The following SVEP1 variants were observed in gnomAD, a reference collection of about 807,000 sequenced individuals.
The protein encoded by SVEP1 is sushi, von Willebrand factor type A, EGF and pentraxin domain-containing protein 1.
SVEP1 carries 164 observed loss-of-function variants against 367.3 expected under a neutral mutation model. The ratio of observed to expected loss-of-function variants is 0.45; its 90% CI spans 0.39 to 0.51. SVEP1 has a LOEUF of 0.51. Among genes scored for constraint, SVEP1 ranks in the 20% least tolerant of loss-of-function variants. The pLI is 0.00. For missense variants in SVEP1, 4,117 were observed against 4,425.3 expected, an observed-to-expected ratio of 0.93 and a Z score of 1.98; for synonymous variants, 1,666 against 1,611.6, an observed-to-expected ratio of 1.03 and a Z score of -0.81.
intron 16 of SVEP1, 120 bp downstream of exon 16, chr9:110,471,244 C>T (rs931258841): frequency 1.2e-6 from 1 of 820,328 alleles, no homozygotes; most frequent in Non-Finnish European, 1.9e-6. Context: ...TAATAACAAC[C>T]ACACAACAAG....
chr9:110,370,009 G>T lies in SVEP1; in HGVS notation c.10608C>A (p.Cys3536Ter). ...WTGSRCHTAV[C>*]QSPCLNGGKC... The stretch of plus-strand genomic sequence containing the variant: ...TTCCACCATTTAAGCAGGGAGACTG[G>T]CAAACAGCTGGAATAAAAAACCCAT... The change falls in exon 47 of 48, where the codon TGC (cysteine) becomes TGA (stop). Residue 3536 changes from cysteine (C) to a stop codon, truncating the protein, a stop_gained. Transcript: ENST00000374469. LOFTEE classifies it high-confidence loss of function. The T allele has an allele frequency of 1.2e-6, 2 of 1,612,326 alleles. No homozygotes were observed. The highest frequency in any genetic ancestry group is 1.7e-6 in the Non-Finnish European group (2 of 1,179,140).
At chr9:110,390,656 T>C (rs1827641228) in intron 40 of SVEP1, among the ~76,000 whole-genome samples, 1 of 151,916 alleles carries the variant, frequency 6.6e-6, no homozygotes, top group African/African-American at 2.4e-5. Flanking sequence ...CCACTGATTA[T>C]AAGAGCAGCA....
At chr9:110,409,202 G>A (rs543459470) in intron 37 of SVEP1, among the ~76,000 whole-genome samples, 13 of 152,264 alleles carry the variant, frequency 8.5e-5, no homozygotes, top group Non-Finnish European at 1.3e-4. Context: ...TTGGGAGGCC[G>A]AGGCAGGAGG....
intron 44 of SVEP1, 77 bp from the exon 45 acceptor site, chr9:110,377,443 A>G (rs1347945921): frequency 7.5e-7 from 1 of 1,334,168 alleles, no homozygotes; most frequent in East Asian, 2.3e-5. Context: ...TTGCCCCTTT[A>G]TATCTCATAC....
At chr9:110,402,575 A>G (rs549975102) in intron 39 of SVEP1, among the ~76,000 whole-genome samples, 109 of 152,308 alleles carry the variant, frequency 7.2e-4, no homozygotes, top group Non-Finnish European at 1.1e-3. Flanking sequence ...GGTTGTGAAA[A>G]ATAAATTATT....
At chr9:110,438,033 G>GT (rs1828456846) in intron 27 of SVEP1, among the ~76,000 whole-genome samples, 1 of 151,850 alleles carries the variant, frequency 6.6e-6, no homozygotes, top group Non-Finnish European at 1.5e-5. Flanking sequence ...TTTTTATTTT[G>GT]TTTTAGTGTA....
chr9:110,515,828 T>C (rs937095091), intron 3 of SVEP1, among the ~76,000 whole-genome samples: 1 of 152,228 alleles, frequency 6.6e-6, no homozygotes, highest in African/African-American at 2.4e-5. Flanking sequence ...CCATTCACTA[T>C]GTCCTAGGGA....
intron 14 of SVEP1, 112 bp from the exon 15 acceptor site, chr9:110,472,435 C>G: frequency 2.0e-6 from 2 of 1,007,822 alleles, no homozygotes; most frequent in Non-Finnish European, 2.8e-6. Context: ...CCTCAAATGC[C>G]CATAACATAC....
chr9:110,387,526 T>C, intron 41 of SVEP1, 68 bp from the exon 42 acceptor site: 11 of 1,427,656 alleles, frequency 7.7e-6, no homozygotes, highest in Non-Finnish European at 1.0e-5. Context: ...TTTCCTATGA[T>C]TGCCAAAGAT....
In SVEP1 at chr9:110,386,172, C is replaced by A. The variant is rs149098192; in HGVS notation, c.10061-98G>T. 7.3e-5 allele frequency: 95 copies of A among 1,294,324 alleles called. 1 individual carries two copies. In the East Asian group the frequency reaches 1.7e-3, roughly 24 times the overall value. 80.2% of individuals were successfully genotyped at this position (1,294,324 alleles called of 1,614,324 possible). A position where few individuals can be genotyped will look rare whatever the true frequency, so the allele number is the denominator to read the frequency against. On this transcript the variant is annotated intron_variant, in intron 42 of 47. Transcript: ENST00000374469. ...AGTAGTCCTATAAGAGATGGGTTCT[C>A]AATAATGATCATATAAGGTTTAAAA...
At chr9:110,475,429 C>G (rs1004678643) in intron 14 of SVEP1, among the ~76,000 whole-genome samples, 2 of 152,126 alleles carry the variant, frequency 1.3e-5, no homozygotes, top group Admixed American at 1.3e-4. Flanking sequence ...TGCTCAAGAT[C>G]ACACAGCTAG....
chr9:110,466,455 T>G (rs1007426020), intron 17 of SVEP1, among the ~76,000 whole-genome samples: 12 of 152,132 alleles, frequency 7.9e-5, no homozygotes, highest in African/African-American at 2.9e-4. Flanking sequence ...CTCTGAAATC[T>G]CTGCTTTAAA....
At chr9:110,401,522 G>A (rs1178698896) in intron 39 of SVEP1, among the ~76,000 whole-genome samples, 4 of 147,140 alleles carry the variant, frequency 2.7e-5, no homozygotes, top group Admixed American at 2.0e-4. Context: ...GGGTCATGTA[G>A]AAAAAAATTT....
intron 43 of SVEP1, among the ~76,000 whole-genome samples, chr9:110,382,228 C>T (rs563080123): frequency 7.2e-5 from 11 of 152,202 alleles, no homozygotes; most frequent in African/African-American, 2.6e-4. Flanking sequence ...AATTCTTCCT[C>T]TCCATATTTA....
intron 36 of SVEP1, among the ~76,000 whole-genome samples, chr9:110,426,585 A>G (rs1828256940): frequency 6.6e-6 from 1 of 152,238 alleles, no homozygotes; most frequent in Non-Finnish European, 1.5e-5. Flanking sequence ...GAACAACTGT[A>G]GTAAATCTGG....
chr9:110,549,608 T>C (rs564640855), intron 2 of SVEP1, among the ~76,000 whole-genome samples: 11 of 152,218 alleles, frequency 7.2e-5, no homozygotes. Context: ...AGCATATGGA[T>C]ATTTTAGTGA....
intron 8 of SVEP1, 120 bp downstream of exon 8, chr9:110,496,695 C>T: frequency 1.6e-6 from 1 of 640,660 alleles, no homozygotes; most frequent in African/African-American, 1.8e-5. Context: ...TTAGTTCTGT[C>T]CCTCTAGAGA....
At chr9:110,515,552 A>G (rs6477773) in intron 3 of SVEP1, among the ~76,000 whole-genome samples, 109,408 of 151,792 alleles carry the variant, frequency 0.72, 40,191 homozygotes, top group Middle Eastern at 0.83. Context: ...CGCCCGCCTC[A>G]GCCTCCCAAA....
At chr9:110,403,306 T>TTGTTTTTG (rs1222046287) in intron 39 of SVEP1, among the ~76,000 whole-genome samples, 2 of 129,262 alleles carry the variant, frequency 1.5e-5, no homozygotes, top group South Asian at 6.0e-4. Flanking sequence ...GTTTTTTTTT[T>TTGTTTTTG]TTTTTTTTTT....
Sources: allele counts gnomAD v4.1 joint callset (sites outside exome capture counted in the v4.1 genomes callset), GRCh38; gene constraint gnomAD v4.1.1; transcripts MANE v1.5; gene names NCBI Gene and HGNC (gene_info 2026-07-23, HGNC 2026-07-21).